ASAP1: variants seen among roughly 807,000 people sequenced by gnomAD.
The protein encoded by ASAP1 is arf-GAP with SH3 domain, ANK repeat and PH domain-containing protein 1.
In ASAP1, 43 loss-of-function variants were observed where a neutral mutation model predicts 145.2. That is an observed-to-expected ratio of 0.30 (90% CI 0.23 to 0.38). ASAP1 has a LOEUF of 0.38. Among genes scored for constraint, ASAP1 ranks in the 10% least tolerant of loss-of-function variants. ASAP1 has a pLI of 1.00. For missense variants in ASAP1, 1,018 were observed against 1,355.3 expected (o/e 0.75, Z 3.91); for synonymous variants, 546 against 515.5 (o/e 1.06, Z -0.80).
At chr8:130,244,327 C>T (rs1194964188) in intron 3 of ASAP1, among the ~76,000 whole-genome samples, 1 of 152,120 alleles carries the variant, frequency 6.6e-6, no homozygotes, top group East Asian at 1.9e-4. Context: ...TGTTGCCTTG[C>T]CCTCTCCTAT....
rs576673211 is a variant in ASAP1 at position 130,096,927 on chromosome 8, A to G, written c.2402-4784T>C. 2.1e-4 allele frequency among the ~76,000 whole-genome samples: 32 copies of G among 151,984 alleles called. No homozygotes were observed. The South Asian group carries it at 6.6e-3, about 31-fold the overall frequency. On this transcript the variant is annotated intron_variant, in intron 24 of 29. Transcript: ENST00000518721. ...GGTCACTTGAGGCCAGGAGCTTGAG[A>G]CCAGCCTGGCCAACATAATGAAACC... is the stretch of plus-strand genomic sequence containing the variant.
chr8:130,180,942 A>G (rs1814315069), intron 7 of ASAP1, 62 bp from the exon 8 acceptor site: 1 of 1,453,842 alleles, frequency 6.9e-7, no homozygotes, highest in African/African-American at 1.4e-5. Flanking sequence ...CAATACCAAC[A>G]GCAGATCCTA....
intron 18 of ASAP1, among the ~76,000 whole-genome samples, chr8:130,121,357 G>C (rs1464786552): frequency 6.6e-6 from 1 of 152,154 alleles, no homozygotes; most frequent in African/African-American, 2.4e-5. Flanking sequence ...CCTATGTTTA[G>C]CACCATCCCT....
At chr8:130,289,281 G>A (rs1821808875) in intron 3 of ASAP1, among the ~76,000 whole-genome samples, 2 of 152,026 alleles carry the variant, frequency 1.3e-5, no homozygotes, top group Admixed American at 1.3e-4. Flanking sequence ...GAATAAGAAG[G>A]CGTCAGACTA....
chr8:130,262,417 AGAGAGAGAGAGAG>A (rs1452745283), intron 3 of ASAP1, among the ~76,000 whole-genome samples: 6 of 32,982 alleles, frequency 1.8e-4, no homozygotes, highest in East Asian at 1.6e-3. Flanking sequence ...AAAAAAAAAA[AGAGAGAGAGAGAG>A]AGAGAGAGAG....
At chr8:130,073,164 G>A (rs951065312) in intron 27 of ASAP1, among the ~76,000 whole-genome samples, 16 of 151,644 alleles carry the variant, frequency 1.1e-4, no homozygotes, top group African/African-American at 3.9e-4. Context: ...CTGAGGCGGG[G>A]GGATCACCTG....
chr8:130,427,435 C>T (rs933405690), intron 1 of ASAP1, among the ~76,000 whole-genome samples: 3 of 152,178 alleles, frequency 2.0e-5, no homozygotes, highest in African/African-American at 7.2e-5. Flanking sequence ...AAGCCCTTGC[C>T]GAGAATCCCA....
At chr8:130,131,465 C>T (rs1373199002) in intron 15 of ASAP1, among the ~76,000 whole-genome samples, 1 of 151,904 alleles carries the variant, frequency 6.6e-6, no homozygotes, top group Admixed American at 6.6e-5. Context: ...TCACCACCAG[C>T]ACCCAGAGAG....
chr8:130,326,327 G>T (rs1824327350), intron 3 of ASAP1, among the ~76,000 whole-genome samples: 1 of 152,240 alleles, frequency 6.6e-6, no homozygotes, highest in African/African-American at 2.4e-5. Flanking sequence ...GACTTGCAAA[G>T]CCTGTGAATT....
intron 29 of ASAP1, among the ~76,000 whole-genome samples, chr8:130,055,033 C>G (rs1241634625): frequency 6.6e-6 from 1 of 152,014 alleles, no homozygotes; most frequent in Non-Finnish European, 1.5e-5. Context: ...CTACATGGAT[C>G]TTGCTGTACC....
intron 27 of ASAP1, among the ~76,000 whole-genome samples, chr8:130,070,044 T>C (rs1236285504): frequency 6.6e-6 from 1 of 152,114 alleles, no homozygotes; most frequent in Non-Finnish European, 1.5e-5. Flanking sequence ...CATCTCTTTT[T>C]TTTTGTTTTT....
chr8:130,221,378 C>T lies in ASAP1; in HGVS notation c.260-6677G>A, dbSNP rs368334728. 3.9e-4 allele frequency among the ~76,000 whole-genome samples: 59 copies of T among 152,290 alleles called. No individual in the cohort carries two copies. The East Asian group carries it at 0.011, about 28-fold the overall frequency. On this transcript the variant is annotated intron_variant, in intron 4 of 29. Transcript: ENST00000518721. ...TTTGTGAAAGTGTTTCCCCTACCTC[C>T]TTTCTAGGAAGAGGAGAAAAACTGT...
At chr8:130,064,393 T>G (rs2097425733) in intron 27 of ASAP1, among the ~76,000 whole-genome samples, 1 of 152,154 alleles carries the variant, frequency 6.6e-6, no homozygotes. Context: ...TCTCAGGCTT[T>G]AAGGCCTGAA....
intron 24 of ASAP1, among the ~76,000 whole-genome samples, chr8:130,098,184 G>T (rs1309760909): frequency 6.6e-6 from 1 of 152,120 alleles, no homozygotes; most frequent in Non-Finnish European, 1.5e-5. Flanking sequence ...CACAGCAAAT[G>T]AGCAGCTACG....
chr8:130,417,207 AAAC>A (rs919419803), intron 1 of ASAP1, among the ~76,000 whole-genome samples: 28 of 104,026 alleles, frequency 2.7e-4, no homozygotes, highest in African/African-American at 5.5e-4. Context: ...CACACACAGA[AAAC>A]AACCCACGTA....
chr8:130,262,027 T>C (rs1038795651), intron 3 of ASAP1, among the ~76,000 whole-genome samples: 21 of 152,124 alleles, frequency 1.4e-4, no homozygotes, highest in African/African-American at 4.8e-4. Flanking sequence ...GAATACTTTT[T>C]TCACTTGCTA....
chr8:130,114,789 T>TTA (rs869250109), intron 23 of ASAP1, among the ~76,000 whole-genome samples: 1 of 145,280 alleles, frequency 6.9e-6, no homozygotes, highest in African/African-American at 2.6e-5. Context: ...TTTTTTTTTT[T>TTA]AAGATATAGG....
chr8:130,344,679 A>C (rs1825595234), intron 3 of ASAP1, among the ~76,000 whole-genome samples: 2 of 152,226 alleles, frequency 1.3e-5, no homozygotes, highest in Admixed American at 1.3e-4. Flanking sequence ...ACCTGCAGTA[A>C]GTAAGCATGA....
intron 1 of ASAP1, among the ~76,000 whole-genome samples, chr8:130,407,241 G>C (rs1565290395): frequency 6.6e-6 from 1 of 152,278 alleles, no homozygotes; most frequent in East Asian, 1.9e-4. Flanking sequence ...GGGCACCTCA[G>C]GCTCAATCCC....
Sources: allele counts gnomAD v4.1 joint callset (sites outside exome capture counted in the v4.1 genomes callset), GRCh38; gene constraint gnomAD v4.1.1; transcripts MANE v1.5; gene names NCBI Gene and HGNC (gene_info 2026-07-23, HGNC 2026-07-21).